The following CSMD3 variants were observed in gnomAD, a reference collection of about 807,000 sequenced individuals.
CSMD3 encodes the protein CUB and sushi domain-containing protein 3.
A neutral mutation model predicts 435.2 loss-of-function variants in CSMD3; 177 were observed. The ratio of observed to expected loss-of-function variants is 0.41; its 90% CI spans 0.36 to 0.46. The LOEUF is 0.46. Among genes scored for constraint, CSMD3 ranks in the 20% least tolerant of loss-of-function variants. The pLI, the probability that CSMD3 is intolerant of heterozygous loss-of-function variation, is 0.34. For missense variants in CSMD3, 4,265 were observed against 4,504.6 expected, an observed-to-expected ratio of 0.95 and a Z score of 1.52; for synonymous variants, 1,656 against 1,520.5, an observed-to-expected ratio of 1.09 and a Z score of -2.07.
intron 6 of CSMD3, among the ~76,000 whole-genome samples, chr8:113,010,945 A>G (rs562772226): frequency 4.6e-5 from 7 of 151,740 alleles, no homozygotes; most frequent in Middle Eastern, 7.5e-3. Context: ...TTTATTAAGT[A>G]CACTCTTTTT....
intron 31 of CSMD3, among the ~76,000 whole-genome samples, chr8:112,489,479 A>G (rs1409624147): frequency 6.6e-6 from 1 of 152,186 alleles, no homozygotes; most frequent in Non-Finnish European, 1.5e-5. Flanking sequence ...AGTCCTGTGT[A>G]TAAGTGCTGA....
At chr8:112,743,121 T>C (rs1355051638) in intron 13 of CSMD3, among the ~76,000 whole-genome samples, 2 of 152,090 alleles carry the variant, frequency 1.3e-5, no homozygotes, top group Non-Finnish European at 2.9e-5. Context: ...TATTTGTGTG[T>C]GACTGAATGT....
At chr8:112,536,374 T>C (rs78525471) in intron 27 of CSMD3, among the ~76,000 whole-genome samples, 148,664 of 152,278 alleles carry the variant, frequency 0.98, 72,614 homozygotes, top group East Asian at 1. Flanking sequence ...CATGAGCAGA[T>C]ACTTCTCAAA....
chr8:112,294,638 C>T (rs981954621), intron 54 of CSMD3, among the ~76,000 whole-genome samples: 1 of 151,854 alleles, frequency 6.6e-6, no homozygotes, highest in African/African-American at 2.4e-5. Flanking sequence ...CCACAACATA[C>T]ATATAGGAAG....
At chr8:113,427,170 A>G (rs1207798337) in intron 1 of CSMD3, among the ~76,000 whole-genome samples, 4 of 151,542 alleles carry the variant, frequency 2.6e-5, no homozygotes, top group African/African-American at 4.8e-5. Flanking sequence ...CAAAAGTAAT[A>G]TAGTTACATA....
At chr8:112,694,504 A>C (rs1333448939) in intron 13 of CSMD3, among the ~76,000 whole-genome samples, 1 of 152,024 alleles carries the variant, frequency 6.6e-6, no homozygotes, top group Admixed American at 6.6e-5. Flanking sequence ...ATCTATTTGA[A>C]ACTCTATTTT....
chr8:113,343,943 A>G (rs1304956136), intron 1 of CSMD3, among the ~76,000 whole-genome samples: 1 of 152,120 alleles, frequency 6.6e-6, no homozygotes, highest in East Asian at 1.9e-4. Flanking sequence ...ATTAGTTGTA[A>G]TAATGTACTA....
chr8:113,019,142 T>C lies in CSMD3; in HGVS notation c.955A>G (p.Asn319Asp). Residue 319 changes from asparagine (N) to aspartate (D), a missense_variant, in exon 6 of 71, where the codon AAC becomes GAC. Physicochemically the swap from Asn to Asp is conservative, Grantham distance 23. Around this residue, in one of 3 missense-constraint regions of CSMD3, gnomAD observed 731 missense variants for 755.4 expected, o/e 0.97. Transcript: ENST00000297405. The part of the protein sequence containing the change: ...GMNIPPPIIS[N>D]KNWLRLHFVT... ...AAATGCAGTCTGAGCCAGTTTTTGT[T>C]GCTGATAATTGGTGGTGGTATATTC... is the stretch of plus-strand genomic sequence containing the variant. The C allele has an allele frequency of 6.2e-7, 1 of 1,613,572 alleles. No homozygotes were observed. The highest frequency in any genetic ancestry group is 8.5e-7 in the Non-Finnish European group (1 of 1,179,566).
chr8:112,380,598 A>T, intron 37 of CSMD3, 142 bp from the exon 38 acceptor site: 1 of 622,618 alleles, frequency 1.6e-6, no homozygotes, highest in Non-Finnish European at 2.9e-6. Flanking sequence ...TTTAATAGAA[A>T]TATTTTTCTC....
intron 11 of CSMD3, among the ~76,000 whole-genome samples, chr8:112,831,921 G>A (rs2079886865): frequency 6.6e-6 from 1 of 152,076 alleles, no homozygotes; most frequent in Admixed American, 6.6e-5. Flanking sequence ...CACTGGATCT[G>A]GCTCACTAGT....
intron 50 of CSMD3, 116 bp downstream of exon 50, chr8:112,310,862 C>T (rs1339599056): frequency 1.2e-6 from 1 of 844,096 alleles, no homozygotes; most frequent in Non-Finnish European, 2.0e-6. Context: ...GAAAAGAGTT[C>T]ACAATATGCT....
intron 32 of CSMD3, among the ~76,000 whole-genome samples, chr8:112,444,785 G>A (rs1815412050): frequency 6.6e-6 from 1 of 152,202 alleles, no homozygotes; most frequent in Non-Finnish European, 1.5e-5. Context: ...GTATTGATCT[G>A]AGTGATGGTT....
intron 3 of CSMD3, among the ~76,000 whole-genome samples, chr8:113,221,413 C>A (rs2092964797): frequency 6.7e-6 from 1 of 149,820 alleles, no homozygotes; most frequent in South Asian, 2.1e-4. Context: ...ACAAATAAAG[C>A]AAATGGTGTA....
chr8:113,200,540 A>C (rs918586181), intron 3 of CSMD3, among the ~76,000 whole-genome samples: 1 of 151,786 alleles, frequency 6.6e-6, no homozygotes, highest in Non-Finnish European at 1.5e-5. Flanking sequence ...TACTACAGCT[A>C]AAGAGGCTTC....
chr8:112,940,412 C>A (rs1209997130), intron 9 of CSMD3, among the ~76,000 whole-genome samples: 1 of 151,658 alleles, frequency 6.6e-6, no homozygotes, highest in Non-Finnish European at 1.5e-5. Flanking sequence ...CCTATTCAGT[C>A]AGAAAAGGCA....
intron 42 of CSMD3, 40 bp downstream of exon 42, chr8:112,341,437 T>G (rs1433333416): frequency 8.2e-7 from 1 of 1,222,020 alleles, no homozygotes; most frequent in South Asian, 1.2e-5. Flanking sequence ...ATAGCTGATT[T>G]GGGGTTATAT....
chr8:112,378,807 G>A (rs184783708), intron 38 of CSMD3, among the ~76,000 whole-genome samples: 1 of 152,156 alleles, frequency 6.6e-6, no homozygotes, highest in East Asian at 1.9e-4. Flanking sequence ...GATTTGAAAT[G>A]TTCCCAACAT....
At chr8:113,376,939 CG>C (rs1367721039) in intron 1 of CSMD3, 1 of 1,375,894 alleles carries the variant, frequency 7.3e-7, no homozygotes. Flanking sequence ...GGATGACGTG[CG>C]GGTTCAGGAG....
chr8:112,235,358 T>C (rs1813468363), intron 67 of CSMD3, among the ~76,000 whole-genome samples: 1 of 152,006 alleles, frequency 6.6e-6, no homozygotes, highest in Non-Finnish European at 1.5e-5. Context: ...CACTCCAGAC[T>C]GGGTGACAGA....
Sources: allele counts gnomAD v4.1 joint callset (sites outside exome capture counted in the v4.1 genomes callset), GRCh38; gene constraint gnomAD v4.1.1; regional missense constraint gnomAD v4.1.1; transcripts MANE v1.5; gene names NCBI Gene and HGNC (gene_info 2026-07-23, HGNC 2026-07-21).